Variants in TMCC1 observed in about 807,000 individuals in gnomAD.
TMCC1 encodes the protein transmembrane and coiled-coil domain family 1, also known as transmembrane and coiled-coil domains protein 1.
In TMCC1, 15 loss-of-function variants were observed where a neutral mutation model predicts 52.4. The observed-to-expected ratio is 0.29, with a 90% CI of 0.19 to 0.44. The LOEUF (loss-of-function observed/expected upper bound fraction) is 0.44, where lower values mean the gene tolerates loss of function less well. Ranked by LOEUF, TMCC1 falls within the 20% of genes least tolerant of loss-of-function variation. The probability of loss-of-function intolerance (pLI) is 1.00; values close to 1 mark genes in which losing one functional copy is unlikely to be tolerated. For synonymous variants in TMCC1, 279 were observed against 301.9 expected (o/e 0.92, Z 0.79); for missense variants, 503 against 806.0 (o/e 0.62, Z 4.55).
At chr3:129,793,984 A>C (rs1468658303) in intron 4 of TMCC1, among the ~76,000 whole-genome samples, 1 of 152,238 alleles carries the variant, frequency 6.6e-6, no homozygotes, top group Admixed American at 6.5e-5. Flanking sequence ...TTGGTCCACA[A>C]GCTGACAGAT....
chr3:129,764,765 A>G (rs377134287), intron 4 of TMCC1, among the ~76,000 whole-genome samples: 13,250 of 41,648 alleles, frequency 0.32, 1,392 homozygotes, highest in East Asian at 0.38. Context: ...GTGTATATAT[A>G]TATATATATA....
At chr3:129,712,985 G>T (rs947686711) in intron 4 of TMCC1, among the ~76,000 whole-genome samples, 2 of 152,100 alleles carry the variant, frequency 1.3e-5, no homozygotes, top group African/African-American at 4.8e-5. Context: ...CTGAAGGCTG[G>T]GCGTGGTGGC....
chr3:129,862,296 TG>T (rs1335771615), intron 2 of TMCC1, among the ~76,000 whole-genome samples: 23 of 152,180 alleles, frequency 1.5e-4, no homozygotes, highest in African/African-American at 5.6e-4. Flanking sequence ...GTTGTGGTGA[TG>T]GTTGTACCGC....
rs2087403764 is a variant in TMCC1 at position 129,665,810 on chromosome 3, G to C, written c.1511+4520C>G. On this transcript the variant is annotated intron_variant, in intron 5 of 6. Coordinates refer to ENST00000393238, the MANE Select transcript of TMCC1 (RefSeq NM_001017395.5). ...CTGGCAACTTTTAAAACCCCACTGA[G>C]CTTCAATTTCCTCATCTTTAAAATG... Among the ~76,000 whole-genome samples the C allele has an allele frequency of 3.9e-5, 6 of 152,254 alleles. No homozygotes were observed. In the South Asian group the frequency reaches 1.2e-3, roughly 32 times the overall value.
chr3:129,871,515 T>C (rs2060929548), intron 2 of TMCC1, among the ~76,000 whole-genome samples: 1 of 152,168 alleles, frequency 6.6e-6, no homozygotes, highest in East Asian at 1.9e-4. Flanking sequence ...CATTTATAAA[T>C]TTTTTGGTAA....
rs1472341478 is a variant in TMCC1, at chr3:129,814,657, C to G, written c.576+13146G>C. On this transcript the variant is annotated intron_variant, in intron 4 of 6. Coordinates refer to ENST00000393238, the MANE Select transcript of TMCC1 (RefSeq NM_001017395.5). Reference sequence around the variant, plus strand: ...CAACTATATGCTGCCTACAAGGAACCCACTTCTCCTACAAAGATACACATA... The same window carrying G: ...CAACTATATGCTGCCTACAAGGAACGCACTTCTCCTACAAAGATACACATA... Among the ~76,000 whole-genome samples the G allele has an allele frequency of 3.3e-5, 5 of 152,134 alleles. No homozygotes were observed. The East Asian group carries it at 7.7e-4, about 24-fold the overall frequency.
intron 2 of TMCC1, among the ~76,000 whole-genome samples, chr3:129,850,864 T>C (rs1194523982): frequency 6.6e-6 from 1 of 152,266 alleles, no homozygotes; most frequent in Non-Finnish European, 1.5e-5. Flanking sequence ...TGGGTTGGGC[T>C]AGTTATCTGC....
chr3:129,693,539 C>G (rs1232312930), intron 4 of TMCC1, among the ~76,000 whole-genome samples: 1 of 126,628 alleles, frequency 7.9e-6, no homozygotes, highest in Non-Finnish European at 1.6e-5. Flanking sequence ...CAGGGTCTCT[C>G]TGTGTCATCT....
chr3:129,735,461 A>T (rs906524677), intron 4 of TMCC1, among the ~76,000 whole-genome samples: 1 of 151,992 alleles, frequency 6.6e-6, no homozygotes, highest in Non-Finnish European at 1.5e-5. Context: ...TTGGCAACAC[A>T]GTGAGATCCT....
chr3:129,845,879 T>G (rs192022632), intron 2 of TMCC1, among the ~76,000 whole-genome samples: 3 of 151,998 alleles, frequency 2.0e-5, no homozygotes, highest in Admixed American at 2.0e-4. Flanking sequence ...AAAAAAAAAT[T>G]TTTAAGTGGC....
At chr3:129,869,513 G>A (rs143933494) in intron 2 of TMCC1, among the ~76,000 whole-genome samples, 138 of 152,290 alleles carry the variant, frequency 9.1e-4, no homozygotes, top group Middle Eastern at 3.4e-3. Flanking sequence ...AGCATCTCAA[G>A]CAGCAGCAGT....
intron 4 of TMCC1, among the ~76,000 whole-genome samples, chr3:129,734,228 T>C (rs1480407040): frequency 6.6e-6 from 1 of 152,202 alleles, no homozygotes. Context: ...CAGAATACTA[T>C]ACAACAAGTA....
At chr3:129,856,263 T>C (rs907462081) in intron 2 of TMCC1, among the ~76,000 whole-genome samples, 41 of 152,336 alleles carry the variant, frequency 2.7e-4, no homozygotes, top group African/African-American at 8.9e-4. Context: ...TGAACCTGAA[T>C]GGATCGTGAG....
intron 2 of TMCC1, among the ~76,000 whole-genome samples, chr3:129,858,399 GTCA>G (rs2060239130): frequency 6.6e-6 from 1 of 151,882 alleles, no homozygotes; most frequent in Non-Finnish European, 1.5e-5. Context: ...TTGAGACAGT[GTCA>G]CTCTGTCACT....
At chr3:129,678,299 T>C (rs189553054) in intron 4 of TMCC1, among the ~76,000 whole-genome samples, 12 of 151,790 alleles carry the variant, frequency 7.9e-5, no homozygotes, top group Admixed American at 7.9e-4. Context: ...CTAATACATA[T>C]AGTATACTTG....
chr3:129,650,380 T>G lies in TMCC1; in HGVS notation c.*1101A>C, dbSNP rs1399149024. The G allele has an allele frequency of 2.0e-5, 3 of 151,310 alleles. No homozygotes were observed. The highest frequency in any genetic ancestry group is 7.3e-5 in the African/African-American group (3 of 40,982). The allele number at this position is 151,310 out of a possible 1,614,324, so 9.4% of individuals were successfully genotyped here. A position where few individuals can be genotyped will look rare whatever the true frequency, so the allele number is the denominator to read the frequency against. On this transcript the variant is annotated 3_prime_UTR_variant, in exon 7 of 7. Transcript: ENST00000393238. The stretch of plus-strand genomic sequence containing the variant: ...TTCCTCTTCAACTAAGCCAAACCCA[T>G]AAAACGGGGGCGTAGGTATGTCGGG...
chr3:129,749,437 A>G (rs2052297807), intron 4 of TMCC1, among the ~76,000 whole-genome samples: 1 of 152,160 alleles, frequency 6.6e-6, no homozygotes, highest in Non-Finnish European at 1.5e-5. Context: ...GAAAGAAAAG[A>G]TATGGGGTTC....
chr3:129,665,457 G>A (rs1043148087), intron 5 of TMCC1, among the ~76,000 whole-genome samples: 6 of 152,202 alleles, frequency 3.9e-5, no homozygotes, highest in Admixed American at 6.5e-5. Context: ...AATAATGACC[G>A]AAGTAGGGAT....
chr3:129,856,772 T>C lies in TMCC1; in HGVS notation c.-184+23537A>G, dbSNP rs533515610. ...TCACTAAATTAGCAAAACATGTAGA[T>C]GAGGTACTTCTGTCTCTAAGTCAAG... On this transcript the variant is annotated intron_variant, in intron 2 of 6. Transcript: ENST00000393238. 2.0e-5 allele frequency among the ~76,000 whole-genome samples: 3 copies of C among 152,310 alleles called. No homozygotes were observed. In the South Asian group the frequency reaches 6.2e-4, roughly 32 times the overall value.
Sources: allele counts gnomAD v4.1 joint callset (sites outside exome capture counted in the v4.1 genomes callset), GRCh38; gene constraint gnomAD v4.1.1; transcripts MANE v1.5; gene names NCBI Gene and HGNC (gene_info 2026-07-23, HGNC 2026-07-21).